The following OR52I2 variants were observed in gnomAD, a reference collection of about 807,000 sequenced individuals.
OR52I2 encodes the protein olfactory receptor family 52 subfamily I member 2.
For synonymous variants in OR52I2, 147 were observed against 151.9 expected, an observed-to-expected ratio of 0.97 and a Z score of 0.24; for missense variants, 350 against 402.4, an observed-to-expected ratio of 0.87 and a Z score of 1.11.
At chr11:4,582,434 A>ATTTTTTTTTTTT (rs386372959) in intron 1 of OR52I2, among the ~76,000 whole-genome samples, 11 of 96,472 alleles carry the variant, frequency 1.1e-4, no homozygotes, top group African/African-American at 2.6e-4. Context: ...TTTATTTTTC[A>ATTTTTTTTTTTT]TTTTTTTTTT....
At chr11:4,583,315 G>C (rs112832576) in intron 1 of OR52I2, among the ~76,000 whole-genome samples, 2 of 152,110 alleles carry the variant, frequency 1.3e-5, no homozygotes, top group East Asian at 1.9e-4. Context: ...GGTATGCCCA[G>C]TTAGTTTCCA....
At chr11:4,586,813 ATG>A (rs764313125) in intron 1 of OR52I2, 57 bp from the exon 2 acceptor site, 2 of 1,610,730 alleles carry the variant, frequency 1.2e-6, no homozygotes, top group South Asian at 2.2e-5. Context: ...CCAGCACCAC[ATG>A]TGTCAACAAA....
chr11:4,588,769 T>C (rs1165626122), exon 2 of OR52I2: 2 of 152,206 alleles, frequency 1.3e-5, no homozygotes, highest in Non-Finnish European at 2.9e-5. Context: ...AGTTCTACCA[T>C]AAAGTGAAGT....
chr11:4,588,130 G>C, exon 2 of OR52I2: 1 of 454,526 alleles, frequency 2.2e-6, no homozygotes, highest in Non-Finnish European at 4.0e-6. Context: ...CTGCTCTTTA[G>C]GAATGTGCTA....
At position 4,586,862 on chromosome 11, in the gene OR52I2, G is replaced by C. The variant is rs200581685; in HGVS notation, c.-19-10G>C. ...TGCATTCTTCTCATACATCATTTGT[G>C]CATTAACAGGAAAAAAGTCTCACTT... is the stretch of plus-strand genomic sequence containing the variant. On this transcript the variant is annotated splice_polypyrimidine_tract_variant and intron_variant, in intron 1 of 1. Coordinates refer to ENST00000641896, the Ensembl canonical transcript of OR52I2. 5 of 1,614,062 alleles carry C rather than the reference G, an allele frequency of 3.1e-6. No individual in the cohort carries two copies. The highest frequency in any genetic ancestry group is 4.2e-6 in the Non-Finnish European group (5 of 1,179,968).
At chr11:4,587,886 CA>C in exon 2 of OR52I2, 1 of 1,590,192 alleles carries the variant, frequency 6.3e-7, no homozygotes, top group Non-Finnish European at 8.6e-7. Context: ...TGTTCAGATC[CA>C]GCCAATTTCA....
chr11:4,582,435 T>TTG (rs1846265584), intron 1 of OR52I2, among the ~76,000 whole-genome samples: 1 of 7,164 alleles, frequency 1.4e-4, no homozygotes, highest in Non-Finnish European at 3.6e-4. Context: ...TTATTTTTCA[T>TTG]TTTTTTTTTT....
chr11:4,586,986 T>C (rs1335609284), exon 2 of OR52I2: 5 of 1,614,076 alleles, frequency 3.1e-6, no homozygotes, highest in Admixed American at 1.7e-5. Flanking sequence ...TTTGGCTGGC[T>C]ATCTCACTGA....
intron 1 of OR52I2, 124 bp from the exon 2 acceptor site, chr11:4,586,748 T>C (rs968388159): frequency 2.9e-6 from 4 of 1,372,402 alleles, no homozygotes; most frequent in Non-Finnish European, 4.1e-6. Context: ...TTTTGTCAGA[T>C]GCCACATTTT....
intron 1 of OR52I2, among the ~76,000 whole-genome samples, chr11:4,583,469 C>T (rs1273081962): frequency 6.6e-6 from 1 of 152,178 alleles, no homozygotes; most frequent in Non-Finnish European, 1.5e-5. Context: ...AAGCTTTCTG[C>T]AGCCCTTTAT....
chr11:4,588,114 G>A (rs985243130), exon 2 of OR52I2: 3 of 498,486 alleles, frequency 6.0e-6, no homozygotes, highest in Non-Finnish European at 1.1e-5. Context: ...TTGAACTTAT[G>A]TTTCCCTGCT....
At chr11:4,584,839 G>A (rs1846286975) in intron 1 of OR52I2, among the ~76,000 whole-genome samples, 3 of 152,180 alleles carry the variant, frequency 2.0e-5, no homozygotes, top group African/African-American at 7.2e-5. Context: ...TGTGGGTTGA[G>A]TGGCTTTTTA....
exon 2 of OR52I2, chr11:4,591,342 G>A (rs193009660): frequency 6.6e-6 from 1 of 152,278 alleles, no homozygotes; most frequent in Admixed American, 6.5e-5. Flanking sequence ...TTTTTCAGGA[G>A]AGGCACAGGA....
Position 4,587,248 on chromosome 11 carries a change from C to G in OR52I2, c.358C>G (p.Leu120Val). 6.2e-7 allele frequency: 1 copy of G among 1,614,108 alleles called. No individual in the cohort carries two copies. Among genetic ancestry groups the G allele is most frequent in the Non-Finnish European group, 8.5e-7 (1 of 1,179,990 alleles). Reference sequence around the variant, plus strand: ...CACAGCTGTGGAGACGGGGCTGCTGCTGACCATGGCTTTTGACCGCTATGT... The same window carrying G: ...CACAGCTGTGGAGACGGGGCTGCTGGTGACCATGGCTTTTGACCGCTATGT... The change falls in exon 2 of 2, where the codon CTG becomes GTG. Residue 120 changes from leucine to valine, a missense_variant. Transcript: ENST00000641896.
At chr11:4,582,433 C>CTTTTTTTTTTT (rs1564859030) in intron 1 of OR52I2, among the ~76,000 whole-genome samples, 1 of 74,662 alleles carries the variant, frequency 1.3e-5, no homozygotes, top group Non-Finnish European at 2.6e-5. Context: ...ATTTATTTTT[C>CTTTTTTTTTTT]ATTTTTTTTT....
chr11:4,592,897 T>C (rs1207653686), exon 2 of OR52I2: 5 of 152,238 alleles, frequency 3.3e-5, no homozygotes, highest in African/African-American at 1.2e-4. Flanking sequence ...AACCTTGTTT[T>C]ATCCATAGTT....
chr11:4,592,103 C>G (rs1199600586), exon 2 of OR52I2: 1 of 152,144 alleles, frequency 6.6e-6, no homozygotes, highest in Non-Finnish European at 1.5e-5. Flanking sequence ...TTATTTGGAG[C>G]AATCTAGAAG....
At chr11:4,590,500 T>TA (rs1846342856) in exon 2 of OR52I2, 1 of 152,120 alleles carries the variant, frequency 6.6e-6, no homozygotes, top group Non-Finnish European at 1.5e-5. Flanking sequence ...AAATGGAGAT[T>TA]AAAAAGAAAA....
intron 1 of OR52I2, among the ~76,000 whole-genome samples, chr11:4,582,177 A>G (rs1490907329): frequency 6.6e-6 from 1 of 152,156 alleles, no homozygotes; most frequent in Non-Finnish European, 1.5e-5. Context: ...AAAATAATCC[A>G]AGCAATAGGG....
Sources: gnomAD v4.1 joint callset for allele counts (sites outside exome capture counted in the v4.1 genomes callset) on GRCh38, gnomAD v4.1.1 for gene constraint, MANE v1.5 for transcripts, NCBI Gene and HGNC (gene_info 2026-07-23, HGNC 2026-07-21) for gene names.